The following MYOZ1 variants were observed in gnomAD, a reference collection of about 807,000 sequenced individuals.
The protein encoded by MYOZ1 is myozenin-1.
A neutral mutation model predicts 28.7 loss-of-function variants in MYOZ1; 20 were observed. That is an observed-to-expected ratio of 0.70 (90% confidence interval 0.49 to 1.01). The LOEUF (loss-of-function observed/expected upper bound fraction) is 1.01, where lower values mean the gene tolerates loss of function less well. Ranked by LOEUF, MYOZ1 falls within the 50% of genes least tolerant of loss-of-function variation. The pLI is 0.00. For missense variants in MYOZ1, 371 were observed against 372.4 expected (o/e 1.00, Z 0.03); for synonymous variants, 144 against 145.8 (o/e 0.99, Z 0.09).
At chr10:73,635,238 C>T (rs944317892) in intron 3 of MYOZ1, among the ~76,000 whole-genome samples, 1 of 151,962 alleles carries the variant, frequency 6.6e-6, no homozygotes, top group African/African-American at 2.4e-5. Flanking sequence ...TTAAACTCTT[C>T]TTAAGAGGTA....
intron 1 of MYOZ1, 56 bp from the exon 2 acceptor site, chr10:73,640,091 T>G: frequency 6.9e-7 from 1 of 1,443,932 alleles, no homozygotes; most frequent in Non-Finnish European, 9.7e-7. Context: ...GAAGAGTGAG[T>G]GTCTGTAGGA....
In MYOZ1 at chr10:73,636,548, C is replaced by T. The variant is rs1341274453; in HGVS notation, c.252+1196G>A. ...TCATGTTCATGCATCCTCTACCTTC[C>T]AGGCTCAAGCCATCCTCCCACCTCA... On this transcript the variant is annotated intron_variant, in intron 3 of 5. Transcript: ENST00000359322. Among the ~76,000 whole-genome samples the T allele has an allele frequency of 3.3e-5, 5 of 151,958 alleles. 1 individual carries two copies. The highest frequency in any genetic ancestry group is 3.9e-4 in the East Asian group (2 of 5,180).
At chr10:73,640,415 A>G (rs1272422805) in intron 1 of MYOZ1, among the ~76,000 whole-genome samples, 1 of 152,180 alleles carries the variant, frequency 6.6e-6, no homozygotes, top group Admixed American at 6.5e-5. Context: ...AAGTGCTGAG[A>G]TTACAGGGGT....
At position 73,631,830 on chromosome 10, in the gene MYOZ1, A is replaced by G. The variant is rs1050700706; in HGVS notation, c.*100T>C. On this transcript the variant is annotated 3_prime_UTR_variant, in exon 6 of 6. Coordinates refer to ENST00000359322, the MANE Select transcript of MYOZ1 (RefSeq NM_021245.4). ...ATCTCTCCTTTTTCCCTCCATTCCC[A>G]TAAGGATACTGGATTAACAATGGGG... 5.7e-6 allele frequency: 6 copies of G among 1,051,100 alleles called. No homozygotes were observed. The Admixed American group carries it at 6.5e-5, about 11-fold the overall frequency. The allele number at this position is 1,051,100 out of a possible 1,614,324, so 65.1% of individuals were successfully genotyped here.
At chr10:73,636,318 T>C (rs1045980652) in intron 3 of MYOZ1, among the ~76,000 whole-genome samples, 1 of 152,174 alleles carries the variant, frequency 6.6e-6, no homozygotes, top group East Asian at 1.9e-4. Flanking sequence ...TCTTAGGGAA[T>C]AGACTGACCC....
intron 3 of MYOZ1, among the ~76,000 whole-genome samples, chr10:73,636,225 C>G (rs138866514): frequency 3.3e-5 from 5 of 152,166 alleles, no homozygotes; most frequent in African/African-American, 1.2e-4. Flanking sequence ...TGCCTGGCCC[C>G]TCTCCAGTCT....
chr10:73,637,404 G>A (rs1313003069), intron 3 of MYOZ1, among the ~76,000 whole-genome samples: 1 of 152,076 alleles, frequency 6.6e-6, no homozygotes, highest in Non-Finnish European at 1.5e-5. Flanking sequence ...ATTATTCATT[G>A]TGTATCTCAA....
In MYOZ1 at chr10:73,639,963, T is replaced by TCAGTGAGTTCCAAATCCAG; in HGVS notation, c.54_55insCTGGATTTGGAACTCACTG (p.Ile19LeufsTer61). 6.2e-7 allele frequency: 1 copy of TCAGTGAGTTCCAAATCCAG among 1,614,016 alleles called. No homozygotes were observed. The highest frequency in any genetic ancestry group is 8.5e-7 in the Non-Finnish European group (1 of 1,179,958). The stretch of plus-strand genomic sequence containing the variant: ...GTCCTACCTCCAGTGAGTTCCATGA[T>TCAGTGAGTTCCAAATCCAG]CAGCTTGCTGGATTTCCTCTTCTTA... On this transcript the variant is annotated frameshift_variant, in exon 2 of 6. Transcript: ENST00000359322. LOFTEE classifies it high-confidence loss of function.
intron 3 of MYOZ1, among the ~76,000 whole-genome samples, chr10:73,634,954 C>T (rs1283301761): frequency 6.6e-6 from 1 of 152,066 alleles, no homozygotes; most frequent in Non-Finnish European, 1.5e-5. Context: ...GACAGAGTTT[C>T]GCCCTTGTTG....
At position 73,637,792 on chromosome 10, in the gene MYOZ1, C is replaced by G; in HGVS notation, c.204G>C (p.Glu68Asp). 2 of 1,614,150 alleles carry G rather than the reference C, an allele frequency of 1.2e-6. No individual in the cohort carries two copies. The highest frequency in any genetic ancestry group is 1.1e-5 in the South Asian group (1 of 91,072). ...KMFKLRQMRV[E>D]KFIYENHPDV... is the part of the protein sequence containing the mutation. ...CAGGGTGGTTCTCATAAATAAACTT[C>G]TCCACCCTCATCTGCCGCAGTTTGA... is the stretch of plus-strand genomic sequence containing the variant. Residue 68 changes from glutamate to aspartate, a missense_variant, in exon 3 of 6, where the codon GAG becomes GAC. Coordinates refer to ENST00000359322, the MANE Select transcript of MYOZ1 (RefSeq NM_021245.4).
chr10:73,635,202 G>A (rs1239270042), intron 3 of MYOZ1, among the ~76,000 whole-genome samples: 1 of 152,006 alleles, frequency 6.6e-6, no homozygotes, highest in African/African-American at 2.4e-5. Context: ...GGGATTACAG[G>A]CGTTAGCCAC....
intron 2 of MYOZ1, among the ~76,000 whole-genome samples, chr10:73,639,709 G>A (rs1324938436): frequency 6.6e-6 from 1 of 152,146 alleles, no homozygotes; most frequent in Non-Finnish European, 1.5e-5. Context: ...CTGGACCTGT[G>A]CAGGTAACAT....
Position 73,632,100 on chromosome 10 carries a change from TG to T in MYOZ1, c.729del (p.Lys244SerfsTer8), listed in dbSNP as rs747844516. 5 of 1,614,192 alleles carry T rather than the reference TG, an allele frequency of 3.1e-6. No homozygotes were observed. In the East Asian group the frequency reaches 1.1e-4, roughly 36 times the overall value. Reference protein sequence around the residue: ...KASKRMTFQMPKFDLGPLLSE... With the variant: ...KASKRMTFQMXKFDLGPLLSE... ...CTCAGCAAGGGCCCCAGGTCAAACT[TG>T]GGCATCTGGAAGGTCATGCGTTTGG... On this transcript the variant is annotated frameshift_variant, in exon 6 of 6. Transcript: ENST00000359322. LOFTEE classifies it high-confidence loss of function.
Position 73,639,942 on chromosome 10 carries a change from T to C in MYOZ1, c.73+3A>G, listed in dbSNP as rs113025864. 6.2e-7 allele frequency: 1 copy of C among 1,613,834 alleles called. No individual in the cohort carries two copies. The highest frequency in any genetic ancestry group is 1.7e-5 in the Admixed American group (1 of 60,000). On this transcript the variant is annotated splice_donor_region_variant and intron_variant, in intron 2 of 5. Transcript: ENST00000359322. The stretch of plus-strand genomic sequence containing the variant: ...ACACTAGGGAGATGCAAACATGTCC[T>C]ACCTCCAGTGAGTTCCATGATCAGC...
chr10:73,638,065 T>A, intron 2 of MYOZ1, 143 bp from the exon 3 acceptor site: 1 of 740,512 alleles, frequency 1.4e-6, no homozygotes, highest in East Asian at 2.6e-5. Context: ...GTCTAGTTTG[T>A]GAGGGATTTT....
rs149031105 is a variant in MYOZ1, at chr10:73,637,861, C to T, written c.135G>A (p.Met45Ile). ...TGGTAAGCAGCGACAGTTCCTCCAACATCACATCCCTTGGGACACTGATCT... is the reference window on the plus strand; with the variant it reads ...TGGTAAGCAGCGACAGTTCCTCCAATATCACATCCCTTGGGACACTGATCT... ...GKKISVPRDV[M>I]LEELSLLTNR... is the part of the protein sequence containing the mutation. Residue 45 changes from methionine to isoleucine, a missense_variant, in exon 3 of 6, where the codon ATG (methionine) becomes ATA (isoleucine). By Grantham distance (10) the Met-to-Ile change is conservative. Coordinates refer to ENST00000359322, the MANE Select transcript of MYOZ1 (RefSeq NM_021245.4). 6.2e-6 allele frequency: 10 copies of T among 1,614,062 alleles called. No homozygotes were observed. The highest frequency in any genetic ancestry group is 8.5e-6 in the Non-Finnish European group (10 of 1,180,028).
At chr10:73,640,490 G>C (rs1201357547) in intron 1 of MYOZ1, among the ~76,000 whole-genome samples, 3 of 152,118 alleles carry the variant, frequency 2.0e-5, no homozygotes, top group Non-Finnish European at 4.4e-5. Context: ...GAAAACTTGC[G>C]CTTTAGGGCT....
At chr10:73,635,884 G>A (rs12098808) in intron 3 of MYOZ1, among the ~76,000 whole-genome samples, 6 of 152,108 alleles carry the variant, frequency 3.9e-5, no homozygotes, top group Admixed American at 1.3e-4. Context: ...GGGAAGTGTG[G>A]CCAAAAGGGC....
intron 3 of MYOZ1, among the ~76,000 whole-genome samples, chr10:73,637,103 C>T (rs1049925293): frequency 3.3e-5 from 5 of 150,150 alleles, no homozygotes; most frequent in African/African-American, 1.2e-4. Flanking sequence ...AACTCCACCT[C>T]CTGGGTTCAA....
Sources: gnomAD v4.1 joint callset for allele counts (sites outside exome capture counted in the v4.1 genomes callset) on GRCh38, gnomAD v4.1.1 for gene constraint, MANE v1.5 for transcripts, NCBI Gene and HGNC (gene_info 2026-07-23, HGNC 2026-07-21) for gene names.